Variants in GLB1 observed in about 807,000 individuals in gnomAD.
The protein encoded by GLB1 is beta-galactosidase.
In GLB1, 56 loss-of-function variants were observed where a neutral mutation model predicts 74.0. That is an observed-to-expected ratio of 0.76 (90% CI 0.61 to 0.94). GLB1 has a LOEUF of 0.94. Ranked by LOEUF, GLB1 falls within the 40% of genes least tolerant of loss-of-function variation. The pLI is 0.00. For synonymous variants in GLB1, 323 were observed against 323.6 expected (o/e 1.00, Z 0.02); for missense variants, 787 against 845.5 (o/e 0.93, Z 0.86).
chr3:33,012,775 G>A (rs918900601), intron 15 of GLB1, among the ~76,000 whole-genome samples: 17 of 152,014 alleles, frequency 1.1e-4, no homozygotes, highest in Admixed American at 1.3e-4. Context: ...TGAGTCATCC[G>A]AGACATATCC....
the GLB1 span, among the ~76,000 whole-genome samples, chr3:32,990,699 C>T: frequency 1.3e-5 from 2 of 152,124 alleles, no homozygotes; most frequent in Non-Finnish European, 2.9e-5. Flanking sequence ...TGCAGTCGGG[C>T]GCGGTGGCTC....
the GLB1 span, among the ~76,000 whole-genome samples, chr3:32,972,768 A>C: frequency 6.6e-6 from 1 of 152,216 alleles, no homozygotes; most frequent in Non-Finnish European, 1.5e-5. Flanking sequence ...AATTAAGAGA[A>C]ATTAAAGAAT....
chr3:33,077,795 C>T (rs1022678213), intron 1 of GLB1, among the ~76,000 whole-genome samples: 5 of 151,260 alleles, frequency 3.3e-5, no homozygotes, highest in Non-Finnish European at 5.9e-5. Flanking sequence ...TCATTAGTGG[C>T]ATGCTCATTC....
intron 15 of GLB1, among the ~76,000 whole-genome samples, chr3:33,002,025 A>C (rs1179635423): frequency 6.7e-6 from 1 of 149,926 alleles, no homozygotes; most frequent in East Asian, 2.0e-4. Context: ...GTTGCTGAAT[A>C]TGATCTAAAA....
chr3:33,090,656 G>A, intron 1 of GLB1: 1 of 985,434 alleles, frequency 1.0e-6, no homozygotes, highest in Non-Finnish European at 1.2e-6. Context: ...TGAACAAAGG[G>A]ACTAAAGGTG....
intron 15 of GLB1, among the ~76,000 whole-genome samples, chr3:33,006,234 G>A (rs1422217318): frequency 6.6e-6 from 1 of 152,230 alleles, no homozygotes; most frequent in South Asian, 2.1e-4. Flanking sequence ...ACAGTGAGAG[G>A]TGAGCGAGCA....
chr3:33,009,154 T>TAAATAAATAAATAAATAAAA (rs761134064), intron 15 of GLB1, among the ~76,000 whole-genome samples: 6,411 of 131,042 alleles, frequency 0.049, 201 homozygotes, highest in Non-Finnish European at 0.078. Flanking sequence ...AATAAATAAA[T>TAAATAAATAAATAAATAAAA]AAAAAAGATT....
At chr3:33,078,038 T>A (rs1700185752) in intron 1 of GLB1, among the ~76,000 whole-genome samples, 1 of 152,152 alleles carries the variant, frequency 6.6e-6, no homozygotes, top group African/African-American at 2.4e-5. Flanking sequence ...TAGTTTTTCC[T>A]TCAAGTCAAG....
At chr3:33,067,721 T>C (rs1273810875) in intron 4 of GLB1, among the ~76,000 whole-genome samples, 1 of 152,244 alleles carries the variant, frequency 6.6e-6, no homozygotes, top group Non-Finnish European at 1.5e-5. Flanking sequence ...CAGTAAGATC[T>C]GGTTACGTAG....
chr3:33,001,690 G>T (rs1042600572), intron 15 of GLB1, among the ~76,000 whole-genome samples: 1 of 152,208 alleles, frequency 6.6e-6, no homozygotes, highest in Non-Finnish European at 1.5e-5. Context: ...CCGCACGCAG[G>T]AGAGTGATAT....
At chr3:32,978,854 G>A in the GLB1 span, among the ~76,000 whole-genome samples, 2 of 146,572 alleles carry the variant, frequency 1.4e-5, no homozygotes, top group East Asian at 2.0e-4. Context: ...CCCACGTCTC[G>A]GTTCAGGTGA....
At chr3:33,096,532 A>AG (rs1360580711) in intron 1 of GLB1, 68 of 985,214 alleles carry the variant, frequency 6.9e-5, no homozygotes, top group Admixed American at 1.8e-4. Flanking sequence ...GAGCACCCAG[A>AG]GGGGAAATAA....
At chr3:32,979,819 T>G in the GLB1 span, among the ~76,000 whole-genome samples, 4 of 130,922 alleles carry the variant, frequency 3.1e-5, no homozygotes, top group South Asian at 9.5e-4. Flanking sequence ...GCCACTGCAC[T>G]CCAGCCTGGG....
In GLB1 at chr3:33,018,511, G is replaced by A; in HGVS notation, c.1284C>T (p.Asn428=). ...YRTTLPQDCS[N]PAPLSSPLNG... ...TGAGGGGTGAAGAGAGAGGTGCTGG[G>A]TTGCTGCAATCTTGAGGAAGTGTTG... is the stretch of plus-strand genomic sequence containing the variant. The change falls in exon 13 of 16, where the codon AAC becomes AAT. Residue 428 remains asparagine, a synonymous_variant. Coordinates refer to ENST00000307363, the MANE Select transcript of GLB1 (RefSeq NM_000404.4). The A allele has an allele frequency of 6.2e-7, 1 of 1,614,028 alleles. No homozygotes were observed. The highest frequency in any genetic ancestry group is 8.5e-7 in the Non-Finnish European group (1 of 1,180,006).
intron 1 of GLB1, chr3:33,094,224 C>CA: frequency 1.3e-6 from 2 of 1,558,300 alleles, no homozygotes; most frequent in Non-Finnish European, 1.7e-6. Context: ...GCTCCCCCAC[C>CA]AGTTCTGTGC....
chr3:33,065,626 T>C, intron 4 of GLB1, 69 bp from the exon 5 acceptor site: 1 of 1,515,822 alleles, frequency 6.6e-7, no homozygotes, highest in South Asian at 1.2e-5. Flanking sequence ...CAGCCCAGGA[T>C]GGCTTTGAAT....
At chr3:33,088,495 T>G (rs1700622137) in intron 1 of GLB1, among the ~76,000 whole-genome samples, 1 of 151,378 alleles carries the variant, frequency 6.6e-6, no homozygotes. Flanking sequence ...CTCTATACAC[T>G]AAAAATGAAC....
chr3:33,069,967 C>A (rs1575473173), intron 2 of GLB1, among the ~76,000 whole-genome samples: 1 of 151,650 alleles, frequency 6.6e-6, no homozygotes, highest in African/African-American at 2.4e-5. Flanking sequence ...CCACCCTCCA[C>A]CCTCAAGTAG....
chr3:32,981,065 T>G, the GLB1 span, among the ~76,000 whole-genome samples: 1 of 116,444 alleles, frequency 8.6e-6, no homozygotes, highest in Non-Finnish European at 1.6e-5. Context: ...CACTCCAGCC[T>G]GGGCAACAAA....
Sources: allele counts gnomAD v4.1 joint callset (sites outside exome capture counted in the v4.1 genomes callset), GRCh38; gene constraint gnomAD v4.1.1; transcripts MANE v1.5; gene names NCBI Gene and HGNC (gene_info 2026-07-23, HGNC 2026-07-21).